Variants in EPB41L1 observed in about 807,000 individuals in gnomAD.
EPB41L1 encodes the protein erythrocyte membrane protein band 4.1 like 1.
Under a neutral mutation model 97.8 loss-of-function variants are expected in EPB41L1, and 29 were observed. The observed-to-expected ratio is 0.30, with a 90% CI of 0.22 to 0.40. The LOEUF is 0.40. Ranked by LOEUF, EPB41L1 falls within the 10% of genes least tolerant of loss-of-function variation. EPB41L1 has a pLI of 1.00. For synonymous variants in EPB41L1, 383 were observed against 459.2 expected (o/e 0.83, Z 2.12); for missense variants, 812 against 1,162.3 (o/e 0.70, Z 4.38).
At chr20:36,216,056 C>T (rs1423499019) in intron 17 of EPB41L1, among the ~76,000 whole-genome samples, 2 of 152,138 alleles carry the variant, frequency 1.3e-5, no homozygotes, top group East Asian at 3.8e-4. Flanking sequence ...CTGTGCAAAG[C>T]CCTGAGAACA....
At chr20:36,203,161 T>G (rs181704755) in intron 14 of EPB41L1, among the ~76,000 whole-genome samples, 31 of 152,352 alleles carry the variant, frequency 2.0e-4, no homozygotes, top group African/African-American at 2.6e-4. Flanking sequence ...GGGCCAGGTG[T>G]GTGGCTCTAC....
At chr20:36,166,325 G>C (rs993236905) in intron 1 of EPB41L1, among the ~76,000 whole-genome samples, 1 of 152,082 alleles carries the variant, frequency 6.6e-6, no homozygotes, top group Non-Finnish European at 1.5e-5. Context: ...TGTAAAATAG[G>C]GATAATAAGA....
At chr20:36,116,955 G>T (rs930816728) in intron 2 of EPB41L1, among the ~76,000 whole-genome samples, 7 of 152,188 alleles carry the variant, frequency 4.6e-5, no homozygotes, top group African/African-American at 1.7e-4. Flanking sequence ...TGAGTCAGGG[G>T]TTTTATTACC....
chr20:36,207,329 C>CT lies in EPB41L1; in HGVS notation c.1669-2158dup, dbSNP rs1304470497. The stretch of plus-strand genomic sequence containing the variant: ...AAGCCCAGAGTAGTCCCTGAAGAAG[C>CT]TGAGGGGCGCATACCTCTGGGGTTT... On this transcript the variant is annotated intron_variant, in intron 14 of 21. Transcript: ENST00000338074. The surrounding 1 kb of genome is among the most constrained non-coding windows in gnomAD (Gnocchi z 4.9). The CT allele has an allele frequency of 1.6e-6, 2 of 1,285,864 alleles. No homozygotes were observed. Among genetic ancestry groups the CT allele is most frequent in the African/African-American group, 3.0e-5 (2 of 65,720 alleles). 79.7% of individuals were successfully genotyped at this position (1,285,864 alleles called of 1,614,324 possible).
intron 7 of EPB41L1, among the ~76,000 whole-genome samples, chr20:36,186,063 T>C (rs1370585613): frequency 6.6e-6 from 1 of 152,244 alleles, no homozygotes; most frequent in Admixed American, 6.5e-5. Flanking sequence ...CTCTCAACTA[T>C]TGGCATTTGG....
rs527418941 is a variant in EPB41L1 at position 36,135,444 on chromosome 20, T to G, written c.-10+22964T>G. Among the ~76,000 whole-genome samples the G allele has an allele frequency of 7.2e-5, 11 of 151,884 alleles. No individual in the cohort carries two copies. The East Asian group carries it at 2.1e-3, about 29-fold the overall frequency. On this transcript the variant is annotated intron_variant, in intron 2 of 19. Coordinates refer to the EPB41L1 transcript ENST00000202028. ...AGGTCAGGAGTCAGCGGGTTTGGAA[T>G]CCCCCCTCTGCTCACCATCTGTGTT... is the stretch of plus-strand genomic sequence containing the variant.
chr20:36,210,902 C>T (rs775904740), intron 15 of EPB41L1, among the ~76,000 whole-genome samples: 5 of 152,144 alleles, frequency 3.3e-5, no homozygotes, highest in Non-Finnish European at 7.3e-5. Context: ...TTGCAACCAT[C>T]TATAAGAATC....
Position 36,190,473 on chromosome 20 carries a change from C to T in EPB41L1, c.1124+99C>T. The T allele has an allele frequency of 1.3e-6, 2 of 1,513,262 alleles. No individual in the cohort carries two copies. The highest frequency in any genetic ancestry group is 1.2e-5 in the South Asian group (1 of 85,924). 93.7% of individuals were successfully genotyped at this position (1,513,262 alleles called of 1,614,324 possible). On this transcript the variant is annotated intron_variant, in intron 10 of 21. Coordinates refer to ENST00000338074, the MANE Select transcript of EPB41L1 (RefSeq NM_012156.2). This position sits in a 1 kb window ranked among gnomAD's most constrained non-coding sequence, Gnocchi z 5.8. ...TTAGTGAGAACTCTAGGAAAGTCCTCCACCCTTTCCCCAAGTCCCTCCCTT... is the reference window on the plus strand; with the variant it reads ...TTAGTGAGAACTCTAGGAAAGTCCTTCACCCTTTCCCCAAGTCCCTCCCTT...
Position 36,212,016 on chromosome 20 carries a change from T to G in EPB41L1, c.2080-256T>G, listed in dbSNP as rs184885712. 7.1e-4 allele frequency among the ~76,000 whole-genome samples: 108 copies of G among 152,282 alleles called. No individual in the cohort carries two copies. Among genetic ancestry groups the G allele is most frequent in the Non-Finnish European group, 1.0e-3 (70 of 68,016 alleles). On this transcript the variant is annotated intron_variant, in intron 15 of 21. Transcript: ENST00000338074. This position sits in a 1 kb window ranked among gnomAD's most constrained non-coding sequence, Gnocchi z 4.8. ...TAATAGTAGCCTAAAAAACAGCATA[T>G]AGCCACCATGAGGGTGTGTGGCACA... is the stretch of plus-strand genomic sequence containing the variant.
At position 36,191,392 on chromosome 20, in the gene EPB41L1, G is replaced by C. The variant is rs1472339858; in HGVS notation, c.1300+595G>C. Among the ~76,000 whole-genome samples the C allele has an allele frequency of 2.0e-5, 3 of 152,030 alleles. No homozygotes were observed. In the East Asian group the frequency reaches 5.8e-4, roughly 29 times the overall value. On this transcript the variant is annotated intron_variant, in intron 11 of 21. Coordinates refer to ENST00000338074, the MANE Select transcript of EPB41L1 (RefSeq NM_012156.2). ...TGTCCCCATTTCTATTGGATTGATG[G>C]GTGCCCTTAACATCAATGAAAACTG...
At position 36,138,551 on chromosome 20, in the gene EPB41L1, C is replaced by T. The variant is rs558561633; in HGVS notation, c.-10+26071C>T. Among the ~76,000 whole-genome samples, 14 of 152,316 alleles carry T rather than the reference C, an allele frequency of 9.2e-5. No individual in the cohort carries two copies. The South Asian group carries it at 2.9e-3, about 32-fold the overall frequency. The stretch of plus-strand genomic sequence containing the variant: ...TGCTGGGATCACAGGCATGAGCCAC[C>T]ACATCCAGCCAGCACATTTTTTAAA... On this transcript the variant is annotated intron_variant, in intron 2 of 19. Coordinates refer to the EPB41L1 transcript ENST00000202028.
At chr20:36,120,999 C>A (rs2058732604) in intron 2 of EPB41L1, among the ~76,000 whole-genome samples, 1 of 151,024 alleles carries the variant, frequency 6.6e-6, no homozygotes, top group African/African-American at 2.4e-5. Flanking sequence ...ATTGGGTGTT[C>A]ACGCATGGGG....
At position 36,219,854 on chromosome 20, in the gene EPB41L1, A is replaced by T. The variant is rs1309665830; in HGVS notation, c.2439+10A>T. On this transcript the variant is annotated intron_variant, in intron 19 of 21. Coordinates refer to ENST00000338074, the MANE Select transcript of EPB41L1 (RefSeq NM_012156.2). ...CACCCATGTCACCAAAGTGAGTAGC[A>T]GCAGGGCGCCCCATGCCCCCAGCCG... 6.2e-7 allele frequency: 1 copy of T among 1,613,770 alleles called. No individual in the cohort carries two copies. The highest frequency in any genetic ancestry group is 8.5e-7 in the Non-Finnish European group (1 of 1,179,598).
chr20:36,182,817 G>T (rs1275406706), intron 6 of EPB41L1, among the ~76,000 whole-genome samples: 1 of 152,238 alleles, frequency 6.6e-6, no homozygotes, highest in African/African-American at 2.4e-5. Context: ...TGCTGTGCTG[G>T]GTGAGCCACC....
At chr20:36,132,507 G>A (rs192484242) in intron 2 of EPB41L1, among the ~76,000 whole-genome samples, 1 of 139,124 alleles carries the variant, frequency 7.2e-6, no homozygotes, top group Non-Finnish European at 1.5e-5. Flanking sequence ...GGTCCCTTTT[G>A]CCACGTGAGG....
At position 36,207,970 on chromosome 20, in the gene EPB41L1, T is replaced by C. The variant is rs1234172560; in HGVS notation, c.1669-1518T>C. 1.3e-5 allele frequency among the ~76,000 whole-genome samples: 2 copies of C among 152,204 alleles called. No individual in the cohort carries two copies. On this transcript the variant is annotated intron_variant, in intron 14 of 21. Coordinates refer to ENST00000338074, the MANE Select transcript of EPB41L1 (RefSeq NM_012156.2). This position sits in a 1 kb window ranked among gnomAD's most constrained non-coding sequence, Gnocchi z 4.9. ...TGTAGCTCAGGCTGAATGATGGGCT[T>C]CTCTGCTTGGCCCATGTTAGCTTGG...
At chr20:36,125,432 C>T (rs766526923) in intron 2 of EPB41L1, 7 of 794,600 alleles carry the variant, frequency 8.8e-6, no homozygotes, top group African/African-American at 6.8e-5. Flanking sequence ...GGCTGCTGTT[C>T]GTACCTGCCT....
chr20:36,112,076 C>T (rs1358657997), intron 1 of EPB41L1, among the ~76,000 whole-genome samples: 1 of 152,182 alleles, frequency 6.6e-6, no homozygotes, highest in Admixed American at 6.5e-5. Flanking sequence ...CTCATCATAT[C>T]TCCGCTGGAT....
rs1166274139 is a variant in EPB41L1 at position 36,222,916 on chromosome 20, A to C, written c.2637+522A>C. On this transcript the variant is annotated intron_variant, in intron 21 of 21. Coordinates refer to ENST00000338074, the MANE Select transcript of EPB41L1 (RefSeq NM_012156.2). ...TTGATTGCAATTTTTATATTTTTTG[A>C]GATGGAGTCTTGCTCTGTCACCCAG... 7.4e-4 allele frequency among the ~76,000 whole-genome samples: 112 copies of C among 152,232 alleles called. 1 individual carries two copies. Among genetic ancestry groups the C allele is most frequent in the African/African-American group, 2.5e-3 (105 of 41,518 alleles).
Sources: allele counts gnomAD v4.1 joint callset (sites outside exome capture counted in the v4.1 genomes callset), GRCh38; gene constraint gnomAD v4.1.1; non-coding constraint Gnocchi (gnomAD v3.1); transcripts MANE v1.5; gene names NCBI Gene and HGNC (gene_info 2026-07-23, HGNC 2026-07-21).